NINL: variants seen among roughly 807,000 people sequenced by gnomAD.
NINL encodes the protein ninein like.
In NINL, 153 loss-of-function variants were observed where a neutral mutation model predicts 160.3. That is an observed-to-expected ratio of 0.95 (90% confidence interval 0.84 to 1.09). The LOEUF is 1.09. NINL is among the 50% of genes least tolerant of loss of function. NINL has a pLI of 0.00. For missense variants in NINL, 1,829 were observed against 1,764.0 expected, an observed-to-expected ratio of 1.04 and a Z score of -0.66; for synonymous variants, 800 against 734.8, an observed-to-expected ratio of 1.09 and a Z score of -1.43.
rs2146692873 is a variant in NINL, at chr20:25,491,580, CCA to C, written c.1311-57_1311-56del. 5 of 1,568,696 alleles carry C rather than the reference CCA, an allele frequency of 3.2e-6. No individual in the cohort carries two copies. The East Asian group carries it at 1.1e-4, about 36-fold the overall frequency. On this transcript the variant is annotated intron_variant, in intron 10 of 23. Coordinates refer to ENST00000278886, the MANE Select transcript of NINL (RefSeq NM_025176.6). ...CATGTCATGTCAGGGCTGCCCAGGC[CCA>C]CGCCACCCCCTTCCTAGCCTCCTCC...
Position 25,489,271 on chromosome 20 carries a change from G to A in NINL, c.1650C>T (p.Val550=). 3.1e-6 allele frequency: 5 copies of A among 1,614,122 alleles called. No individual in the cohort carries two copies. Among genetic ancestry groups the A allele is most frequent in the Non-Finnish European group, 4.2e-6 (5 of 1,179,996 alleles). Residue 550 remains valine (V), a synonymous_variant, in exon 13 of 24, where the codon GTC becomes GTT. Coordinates refer to ENST00000278886, the MANE Select transcript of NINL (RefSeq NM_025176.6). ...GGCACTTGAGCTCGTATTCCTTCAG[G>A]ACTGCTGCGAACCGCTCCTCCTGGG... is the stretch of plus-strand genomic sequence containing the variant. ...LLAQEERFAA[V]LKEYELKCRD...
rs559752132 is a variant in NINL at position 25,533,386 on chromosome 20, C to T, written c.-11-6788G>A. 3.3e-5 allele frequency among the ~76,000 whole-genome samples: 5 copies of T among 152,218 alleles called. No individual in the cohort carries two copies. In the East Asian group the frequency reaches 7.7e-4, roughly 23 times the overall value. On this transcript the variant is annotated intron_variant, in intron 1 of 23. Transcript: ENST00000278886. ...AAAACAGACTGCTGGGCAAAAAGAA[C>T]GATCCGAGACCAAGGGAAGTTTCCT...
chr20:25,453,191 G>C lies in NINL; in HGVS notation c.*260C>G, dbSNP rs2090573962. ...TCCCAGGATCTGGCTCCAGAGAGTGGCAAAACTGGGAATTTTGCCAAGGGA... is the reference window on the plus strand; with the variant it reads ...TCCCAGGATCTGGCTCCAGAGAGTGCCAAAACTGGGAATTTTGCCAAGGGA... On this transcript the variant is annotated 3_prime_UTR_variant, in exon 24 of 24. Coordinates refer to ENST00000278886, the MANE Select transcript of NINL (RefSeq NM_025176.6). 1 of 340,966 alleles carries C rather than the reference G, an allele frequency of 2.9e-6. No individual in the cohort carries two copies. The highest frequency in any genetic ancestry group is 5.3e-6 in the Non-Finnish European group (1 of 189,458). The allele number at this position is 340,966 out of a possible 1,614,324, so 21.1% of individuals were successfully genotyped here.
intron 1 of NINL, among the ~76,000 whole-genome samples, chr20:25,527,356 G>A (rs1049894325): frequency 3.9e-5 from 6 of 152,132 alleles, no homozygotes; most frequent in East Asian, 3.9e-4. Flanking sequence ...GTTTCACCAT[G>A]TTGGACAGGC....
intron 4 of NINL, 104 bp downstream of exon 4, chr20:25,512,730 T>C (rs1481017801): frequency 1.4e-6 from 2 of 1,406,032 alleles, no homozygotes; most frequent in African/African-American, 1.4e-5. Context: ...AGACGGTGGC[T>C]GCCCTCCCCA....
At position 25,498,034 on chromosome 20, in the gene NINL, G is replaced by A. The variant is rs6138585; in HGVS notation, c.1169+176C>T. Among the ~76,000 whole-genome samples, 3,443 of 152,332 alleles carry A rather than the reference G, an allele frequency of 0.023. 159 individuals carry two copies. In the East Asian group the frequency reaches 0.23, roughly 10 times the overall value. ...CTAGATTCTGCTCCTGTCCCTCTGC[G>A]AGCGCCGGCTTGAGGGGCCAGAGAG... On this transcript the variant is annotated intron_variant, in intron 9 of 23. Coordinates refer to ENST00000278886, the MANE Select transcript of NINL (RefSeq NM_025176.6).
chr20:25,475,654 C>T (rs1175720978), intron 17 of NINL, among the ~76,000 whole-genome samples: 2 of 152,142 alleles, frequency 1.3e-5, no homozygotes, highest in Non-Finnish European at 2.9e-5. Flanking sequence ...GGCAGATCAC[C>T]TTTGAGGACA....
chr20:25,567,072 C>T (rs993987420), intron 1 of NINL, among the ~76,000 whole-genome samples: 1 of 152,144 alleles, frequency 6.6e-6, no homozygotes, highest in African/African-American at 2.4e-5. Flanking sequence ...CACCACTACA[C>T]TCCAACCTGG....
At chr20:25,520,145 T>C (rs2064237546) in intron 2 of NINL, among the ~76,000 whole-genome samples, 1 of 151,594 alleles carries the variant, frequency 6.6e-6, no homozygotes, top group Non-Finnish European at 1.5e-5. Context: ...AAAAGAGACA[T>C]GATGAGGGAT....
chr20:25,536,379 G>A (rs1022051750), intron 1 of NINL, among the ~76,000 whole-genome samples: 7 of 152,192 alleles, frequency 4.6e-5, no homozygotes, highest in Admixed American at 4.6e-4. Flanking sequence ...TGACAAGGCT[G>A]ATGGAGCATT....
intron 3 of NINL, among the ~76,000 whole-genome samples, chr20:25,515,996 G>C (rs191956472): frequency 1.3e-5 from 2 of 151,904 alleles, no homozygotes; most frequent in African/African-American, 4.8e-5. Flanking sequence ...GGATGGTCTC[G>C]ATCTCCTGAC....
intron 1 of NINL, among the ~76,000 whole-genome samples, chr20:25,542,862 CT>C (rs921921975): frequency 7.3e-5 from 11 of 150,646 alleles, no homozygotes; most frequent in Non-Finnish European, 1.0e-4. Flanking sequence ...GAAACCCCCC[CT>C]CTCTACTAAA....
At chr20:25,533,070 T>C (rs2064495507) in intron 1 of NINL, among the ~76,000 whole-genome samples, 1 of 152,134 alleles carries the variant, frequency 6.6e-6, no homozygotes, top group African/African-American at 2.4e-5. Flanking sequence ...TTCAAGTGGC[T>C]GCCCTGGGAT....
chr20:25,505,204 G>A (rs964709647), intron 5 of NINL, 126 bp from the exon 6 acceptor site: 23 of 863,936 alleles, frequency 2.7e-5, no homozygotes, highest in Non-Finnish European at 3.9e-5. Context: ...ATTACGCTAA[G>A]TGAAATTAGC....
At chr20:25,490,611 A>G (rs1215360827) in intron 11 of NINL, among the ~76,000 whole-genome samples, 3 of 151,978 alleles carry the variant, frequency 2.0e-5, no homozygotes, top group East Asian at 1.9e-4. Context: ...AAAGCATTGC[A>G]AAAGTATTAT....
chr20:25,558,726 A>AAG (rs2064898120), intron 1 of NINL, among the ~76,000 whole-genome samples: 1 of 152,212 alleles, frequency 6.6e-6, no homozygotes, highest in Admixed American at 6.5e-5. Flanking sequence ...ACCAAGGGAC[A>AAG]AGAGGTCCTT....
chr20:25,518,925 C>T (rs892314451), intron 2 of NINL, among the ~76,000 whole-genome samples: 1 of 151,898 alleles, frequency 6.6e-6, no homozygotes, highest in Admixed American at 6.6e-5. Flanking sequence ...TGGTGAAACC[C>T]CATCTCTGCT....
chr20:25,513,400 AC>A (rs1393153094), intron 3 of NINL, among the ~76,000 whole-genome samples: 1 of 152,222 alleles, frequency 6.6e-6, no homozygotes, highest in East Asian at 1.9e-4. Flanking sequence ...TACTGAGTGA[AC>A]ACGCTAAATG....
At chr20:25,581,643 A>G (rs1243482669) in intron 1 of NINL, among the ~76,000 whole-genome samples, 1 of 152,232 alleles carries the variant, frequency 6.6e-6, no homozygotes, top group Non-Finnish European at 1.5e-5. Context: ...GTGTTTATGT[A>G]AAGTTCAGGT....
Sources: allele counts gnomAD v4.1 joint callset (sites outside exome capture counted in the v4.1 genomes callset), GRCh38; gene constraint gnomAD v4.1.1; transcripts MANE v1.5; gene names NCBI Gene and HGNC (gene_info 2026-07-23, HGNC 2026-07-21).